Variants in FAF1 observed in about 807,000 individuals in gnomAD.
FAF1 encodes the protein FAS-associated factor 1.
FAF1 carries 25 observed loss-of-function variants against 92.5 expected under a neutral mutation model. The ratio of observed to expected loss-of-function variants is 0.27; its 90% CI spans 0.20 to 0.38. The LOEUF (loss-of-function observed/expected upper bound fraction) is 0.38. Among genes scored for constraint, FAF1 ranks in the 10% least tolerant of loss-of-function variants. FAF1 has a pLI of 1.00. For missense variants in FAF1, 636 were observed against 793.3 expected, an observed-to-expected ratio of 0.80 and a Z score of 2.38; for synonymous variants, 234 against 273.2, an observed-to-expected ratio of 0.86 and a Z score of 1.42.
intron 6 of FAF1, among the ~76,000 whole-genome samples, chr1:50,736,529 C>T (rs1659144968): frequency 6.6e-6 from 1 of 152,188 alleles, no homozygotes. Context: ...GTGGGAGGAT[C>T]ACCTGAGTTC....
chr1:50,670,376 C>T (rs1317819715), intron 7 of FAF1, among the ~76,000 whole-genome samples: 1 of 151,898 alleles, frequency 6.6e-6, no homozygotes, highest in Admixed American at 6.6e-5. Context: ...GTGTGAGCCA[C>T]GGCGCCTGGC....
At chr1:50,686,165 A>G (rs1303732303) in intron 7 of FAF1, among the ~76,000 whole-genome samples, 1 of 152,216 alleles carries the variant, frequency 6.6e-6, no homozygotes. Context: ...AATTGCTATC[A>G]ACCCACTTGA....
At chr1:50,621,558 CA>C in intron 8 of FAF1, among the ~76,000 whole-genome samples, 1 of 151,852 alleles carries the variant, frequency 6.6e-6, no homozygotes, top group South Asian at 2.1e-4. Flanking sequence ...CACCACCACA[CA>C]GTTAATTTTT....
At position 50,743,474 on chromosome 1, in the gene FAF1, C is replaced by T. The variant is rs189985388; in HGVS notation, c.459+1210G>A. ...TCCCGAGTAGCTTGGATTACAGGGG[C>T]GTGCCACCACGCCCAGCTAATTTTT... On this transcript the variant is annotated intron_variant, in intron 5 of 18. Transcript: ENST00000396153. Among the ~76,000 whole-genome samples the T allele has an allele frequency of 8.4e-3, 1,280 of 151,716 alleles. 17 individuals are homozygous for T. The highest frequency in any genetic ancestry group is 8.4e-3 in the Non-Finnish European group (569 of 67,842).
chr1:50,438,488 A>G lies in FAF1; in HGVS notation c.*2952T>C, dbSNP rs961066042. On this transcript the variant is annotated 3_prime_UTR_variant, in exon 19 of 19. Coordinates refer to ENST00000396153, the MANE Select transcript of FAF1 (RefSeq NM_007051.3). The stretch of plus-strand genomic sequence containing the variant: ...ACACAGACTATAATGTGCAATGCCT[A>G]TATGAGTTACTCCTGGACTGAACTA... 1.3e-5 allele frequency: 2 copies of G among 152,248 alleles called. No individual in the cohort carries two copies. The highest frequency in any genetic ancestry group is 4.8e-5 in the African/African-American group (2 of 41,454). The allele number at this position is 152,248 out of a possible 1,614,324, so 9.4% of individuals were successfully genotyped here.
chr1:50,535,310 C>T, intron 15 of FAF1, 59 bp downstream of exon 15: 1 of 1,138,084 alleles, frequency 8.8e-7, no homozygotes, highest in South Asian at 1.3e-5. Context: ...CATCATTTGA[C>T]AAATTAAAAT....
At chr1:50,599,725 G>A (rs186549356) in intron 8 of FAF1, among the ~76,000 whole-genome samples, 367 of 152,270 alleles carry the variant, frequency 2.4e-3, no homozygotes, top group Non-Finnish European at 4.2e-3. Context: ...AAGCATGTGT[G>A]TTTCAGTTAT....
chr1:50,681,454 CTTATTT>C (rs1164404036), intron 7 of FAF1, among the ~76,000 whole-genome samples: 1 of 152,086 alleles, frequency 6.6e-6, no homozygotes, highest in Non-Finnish European at 1.5e-5. Flanking sequence ...TATTGGAGCT[CTTATTT>C]TTAAATATCT....
intron 4 of FAF1, among the ~76,000 whole-genome samples, chr1:50,761,710 T>C (rs1660334617): frequency 1.3e-5 from 2 of 152,224 alleles, no homozygotes; most frequent in African/African-American, 4.8e-5. Context: ...GAGCTATCTA[T>C]GACAAACCCA....
intron 15 of FAF1, among the ~76,000 whole-genome samples, chr1:50,515,845 A>T (rs966207924): frequency 1.3e-5 from 2 of 152,034 alleles, no homozygotes; most frequent in African/African-American, 4.8e-5. Context: ...TCTTTCCCAC[A>T]TATCCCAAGC....
chr1:50,593,266 C>T (rs1651617822), intron 9 of FAF1, among the ~76,000 whole-genome samples: 1 of 152,200 alleles, frequency 6.6e-6, no homozygotes, highest in Admixed American at 6.5e-5. Flanking sequence ...AAACACTGCT[C>T]TTCACTATAT....
chr1:50,605,826 T>C (rs1323485000), intron 8 of FAF1, among the ~76,000 whole-genome samples: 1 of 152,262 alleles, frequency 6.6e-6, no homozygotes, highest in African/African-American at 2.4e-5. Context: ...TTTAGAACTA[T>C]TTGTTGAATG....
In FAF1 at chr1:50,565,601, C is replaced by T. The variant is rs59218631; in HGVS notation, c.1268+1476G>A. Among the ~76,000 whole-genome samples, 1,169 of 152,148 alleles carry T rather than the reference C, an allele frequency of 7.7e-3. 14 individuals are homozygous for T. The highest frequency in any genetic ancestry group is 0.027 in the African/African-American group (1,129 of 41,542). ...CAAAGTTGTGCTACTTAACAGACTT[C>T]TTTAGTAAAACATAACAAAGCAATT... is the stretch of plus-strand genomic sequence containing the variant. On this transcript the variant is annotated intron_variant, in intron 13 of 18. Transcript: ENST00000396153.
chr1:50,916,480 C>T (rs1644919216), intron 1 of FAF1, among the ~76,000 whole-genome samples: 1 of 152,194 alleles, frequency 6.6e-6, no homozygotes, highest in Admixed American at 6.5e-5. Flanking sequence ...GCACTACCCT[C>T]CTCCTAATGG....
At chr1:50,793,547 T>C (rs77209555) in intron 3 of FAF1, among the ~76,000 whole-genome samples, 2 of 152,208 alleles carry the variant, frequency 1.3e-5, no homozygotes, top group Non-Finnish European at 1.5e-5. Context: ...CTGGTAGATA[T>C]TCCATATTGC....
intron 8 of FAF1, among the ~76,000 whole-genome samples, chr1:50,597,670 T>C (rs1313497362): frequency 6.6e-6 from 1 of 152,190 alleles, no homozygotes; most frequent in South Asian, 2.1e-4. Flanking sequence ...ACAGTATTTA[T>C]ATTTTTAAGG....
intron 7 of FAF1, among the ~76,000 whole-genome samples, chr1:50,685,300 T>G (rs1177419005): frequency 6.6e-6 from 1 of 152,230 alleles, no homozygotes; most frequent in African/African-American, 2.4e-5. Flanking sequence ...TTCACCTACA[T>G]TGTCTCACTT....
intron 2 of FAF1, among the ~76,000 whole-genome samples, chr1:50,829,036 A>G (rs1644130004): frequency 6.6e-6 from 1 of 152,240 alleles, no homozygotes; most frequent in Non-Finnish European, 1.5e-5. Context: ...GCTATTAATA[A>G]TCTGGGAAGT....
chr1:50,933,573 C>T (rs1411665425), intron 1 of FAF1, among the ~76,000 whole-genome samples: 1 of 152,176 alleles, frequency 6.6e-6, no homozygotes, highest in Non-Finnish European at 1.5e-5. Context: ...CAAACTTTCC[C>T]ATATTTTCCT....
Sources: gnomAD v4.1 joint callset for allele counts (sites outside exome capture counted in the v4.1 genomes callset) on GRCh38, gnomAD v4.1.1 for gene constraint, MANE v1.5 for transcripts, NCBI Gene and HGNC (gene_info 2026-07-23, HGNC 2026-07-21) for gene names.